Variants in CHST15 observed in about 807,000 individuals in gnomAD.
CHST15 encodes the protein carbohydrate sulfotransferase 15.
A neutral mutation model predicts 53.6 loss-of-function variants in CHST15; 30 were observed. The observed-to-expected ratio is 0.56, with a 90% CI of 0.42 to 0.76. CHST15 has a LOEUF of 0.76. Among genes scored for constraint, CHST15 ranks in the 30% least tolerant of loss-of-function variants. CHST15 has a pLI of 0.00. For synonymous variants in CHST15, 296 were observed against 289.8 expected, an observed-to-expected ratio of 1.02 and a Z score of -0.22; for missense variants, 627 against 740.5, an observed-to-expected ratio of 0.85 and a Z score of 1.78.
Position 124,074,252 on chromosome 10 carries a change from G to A in CHST15, c.-513+19217C>T, listed in dbSNP as rs183016697. 2.0e-5 allele frequency among the ~76,000 whole-genome samples: 3 copies of A among 152,268 alleles called. No individual in the cohort carries two copies. The highest frequency in any genetic ancestry group is 2.9e-5 in the Non-Finnish European group (2 of 68,028). On this transcript the variant is annotated intron_variant, in intron 1 of 7. Transcript: ENST00000435907. This position sits in a 1 kb window ranked among gnomAD's most constrained non-coding sequence, Gnocchi z 4.4. ...AAAGACACCGAACCCTTGCACTGAT[G>A]CCATTAGACAGTTTCTACTTGGCAA...
chr10:124,034,468 T>C (rs776696297), intron 5 of CHST15, among the ~76,000 whole-genome samples: 1 of 151,962 alleles, frequency 6.6e-6, no homozygotes, highest in Non-Finnish European at 1.5e-5. Flanking sequence ...GTTGGTATCC[T>C]CAGAGGTGGG....
At position 124,074,927 on chromosome 10, in the gene CHST15, C is replaced by T. The variant is rs944639546; in HGVS notation, c.-513+18542G>A. ...AAGACAGACAGGCTCCCAGCCCCCGCGGAGTTAATGATGTTTTGCAGGGAG... is the reference window on the plus strand; with the variant it reads ...AAGACAGACAGGCTCCCAGCCCCCGTGGAGTTAATGATGTTTTGCAGGGAG... On this transcript the variant is annotated intron_variant, in intron 1 of 7. Transcript: ENST00000435907. This position sits in a 1 kb window ranked among gnomAD's most constrained non-coding sequence, Gnocchi z 4.4. Among the ~76,000 whole-genome samples the T allele has an allele frequency of 1.3e-5, 2 of 152,168 alleles. No individual in the cohort carries two copies. The highest frequency in any genetic ancestry group is 2.1e-4 in the South Asian group (1 of 4,828).
At chr10:124,020,588 G>A (rs1946741786) in intron 6 of CHST15, 1 of 986,044 alleles carries the variant, frequency 1.0e-6, no homozygotes, top group Admixed American at 6.1e-5. Flanking sequence ...GAGACGCTGA[G>A]CAGAGCAAGG....
rs1051077126 is a variant in CHST15, at chr10:124,019,325, G to A, written c.1347+1931C>T. 5.3e-5 allele frequency among the ~76,000 whole-genome samples: 8 copies of A among 152,176 alleles called. No homozygotes were observed. Among genetic ancestry groups the A allele is most frequent in the African/African-American group, 1.9e-4 (8 of 41,436 alleles). On this transcript the variant is annotated intron_variant, in intron 6 of 7. Transcript: ENST00000435907. This position sits in a 1 kb window ranked among gnomAD's most constrained non-coding sequence, Gnocchi z 4.6. Reference sequence around the variant, plus strand: ...AGCTGCCTTGAGGACCGGGTGGGCTGCCCTGCCTGCTCTCTCAGACTCACT... The same window carrying A: ...AGCTGCCTTGAGGACCGGGTGGGCTACCCTGCCTGCTCTCTCAGACTCACT...
At chr10:124,035,027 C>T (rs530642330) in intron 5 of CHST15, among the ~76,000 whole-genome samples, 31 of 127,136 alleles carry the variant, frequency 2.4e-4, no homozygotes, top group African/African-American at 7.0e-4. Flanking sequence ...TACCCCCTAA[C>T]AGGGACCCTG....
At chr10:124,069,763 G>T (rs1948856106) in intron 1 of CHST15, among the ~76,000 whole-genome samples, 1 of 152,224 alleles carries the variant, frequency 6.6e-6, no homozygotes, top group Non-Finnish European at 1.5e-5. Flanking sequence ...GACCTTCCCA[G>T]TCAGCCAGCT....
At chr10:124,043,406 C>G (rs1321173133) in intron 3 of CHST15, among the ~76,000 whole-genome samples, 1 of 152,246 alleles carries the variant, frequency 6.6e-6, no homozygotes, top group Non-Finnish European at 1.5e-5. Flanking sequence ...AACATTTACA[C>G]TTTAGCTCAC....
At chr10:124,056,093 CAA>C (rs1193489043) in intron 1 of CHST15, among the ~76,000 whole-genome samples, 1 of 152,156 alleles carries the variant, frequency 6.6e-6, no homozygotes, top group African/African-American at 2.4e-5. Context: ...AAAGATGGGT[CAA>C]GAGGCCTCAG....
At chr10:124,087,727 C>G (rs1230801522) in intron 1 of CHST15, among the ~76,000 whole-genome samples, 20 of 140,414 alleles carry the variant, frequency 1.4e-4, no homozygotes, top group Non-Finnish European at 2.8e-4. Context: ...GCCCTCCAGG[C>G]CCCCTCTGGG....
intron 1 of CHST15, among the ~76,000 whole-genome samples, chr10:124,090,656 T>G (rs1949574871): frequency 6.6e-6 from 1 of 152,248 alleles, no homozygotes; most frequent in African/African-American, 2.4e-5. Flanking sequence ...TCACTTTTCC[T>G]GGCCAGGGGC....
At chr10:124,093,268 C>A (rs181078632) in intron 1 of CHST15, among the ~76,000 whole-genome samples, 5,477 of 151,728 alleles carry the variant, frequency 0.036, 341 homozygotes, top group East Asian at 0.24. Flanking sequence ...CCGCCACCGC[C>A]ACCACCGCGC....
chr10:124,045,112 C>CAAAAAAA lies in CHST15; in HGVS notation c.547-200_547-194dup, dbSNP rs758243657. Among the ~76,000 whole-genome samples the CAAAAAAA allele has an allele frequency of 7.8e-3, 259 of 33,292 alleles. 6 individuals are homozygous for CAAAAAAA. Among genetic ancestry groups the CAAAAAAA allele is most frequent in the East Asian group, 0.02 (16 of 798 alleles). 21.8% of individuals were successfully genotyped at this position (33,292 alleles called of 152,430 possible). On this transcript the variant is annotated intron_variant, in intron 2 of 7. Transcript: ENST00000435907. ...TGCTTTCCTCTCCCCCGCCGCCCCA[C>CAAAAAAA]AAAAAAAAAAAAAAAAAAAAAAAAA...
chr10:124,057,024 CATG>C (rs1440646233), intron 1 of CHST15, among the ~76,000 whole-genome samples: 1 of 152,254 alleles, frequency 6.6e-6, no homozygotes, highest in Non-Finnish European at 1.5e-5. Context: ...TGGTGGCTTC[CATG>C]ATAATTTGCA....
Position 124,012,327 on chromosome 10 carries a change from T to C in CHST15, c.1495+6A>G, listed in dbSNP as rs1214589793. On this transcript the variant is annotated splice_donor_region_variant and intron_variant, in intron 7 of 7. Transcript: ENST00000435907. ...TGGCCCGTCAGTCTAAGCACCACAC[T>C]CATACCTAGGTTCAGAAACTGGAAG... 6.2e-7 allele frequency: 1 copy of C among 1,613,218 alleles called. No individual in the cohort carries two copies. The highest frequency in any genetic ancestry group is 1.7e-5 in the Admixed American group (1 of 59,976).
intron 5 of CHST15, among the ~76,000 whole-genome samples, chr10:124,032,740 T>A (rs958891114): frequency 5.3e-5 from 8 of 151,966 alleles, no homozygotes; most frequent in Admixed American, 1.3e-4. Context: ...GAACATGAAT[T>A]CTTGGCTGGC....
chr10:124,077,639 G>A (rs1251760505), intron 1 of CHST15, among the ~76,000 whole-genome samples: 1 of 152,214 alleles, frequency 6.6e-6, no homozygotes, highest in East Asian at 1.9e-4. Flanking sequence ...CCAAGCCTGT[G>A]CAGTTTAAAC....
At chr10:124,087,488 G>A (rs1411873848) in intron 1 of CHST15, among the ~76,000 whole-genome samples, 2 of 152,168 alleles carry the variant, frequency 1.3e-5, no homozygotes, top group East Asian at 1.9e-4. Context: ...TGCCCATGTT[G>A]GGGTATTTTC....
intron 6 of CHST15, among the ~76,000 whole-genome samples, chr10:124,015,034 G>A (rs566944775): frequency 1.3e-5 from 2 of 152,228 alleles, no homozygotes; most frequent in Admixed American, 6.5e-5. Context: ...CTCCCCTCCC[G>A]CTTTGTGCCT....
In CHST15 at chr10:124,044,775, C is replaced by T. The variant is rs755106803; in HGVS notation, c.691G>A (p.Ala231Thr). 3.1e-6 allele frequency: 5 copies of T among 1,610,832 alleles called. No homozygotes were observed. Among genetic ancestry groups the T allele is most frequent in the Middle Eastern group, 1.7e-4 (1 of 6,044 alleles). Residue 231 changes from alanine to threonine, a missense_variant, in exon 3 of 8, where the codon GCC becomes ACC. Coordinates refer to ENST00000435907, the MANE Select transcript of CHST15 (RefSeq NM_001270764.2). ...TGGCCCCAGAAGGCCTTGCGCAGGG[C>T]GTCGAAGGTGGAGCGGAAGCGCTTG... is the stretch of plus-strand genomic sequence containing the variant. ...YSKRFRSTFD[A>T]LRKAFWGHLA...
Sources: gnomAD v4.1 joint callset for allele counts (sites outside exome capture counted in the v4.1 genomes callset) on GRCh38, gnomAD v4.1.1 for gene constraint, Gnocchi (gnomAD v3.1) non-coding constraint, MANE v1.5 for transcripts, NCBI Gene and HGNC (gene_info 2026-07-23, HGNC 2026-07-21) for gene names.